The following ABL2 variants were observed in gnomAD, a reference collection of about 807,000 sequenced individuals.
ABL2 encodes tyrosine-protein kinase ABL2.
ABL2 carries 49 observed loss-of-function variants against 107.7 expected under a neutral mutation model. The ratio of observed to expected loss-of-function variants is 0.45; its 90% CI spans 0.36 to 0.58. The LOEUF (loss-of-function observed/expected upper bound fraction) is 0.58. Ranked by LOEUF, ABL2 falls within the 20% of genes least tolerant of loss-of-function variation. The pLI, the probability that ABL2 is intolerant of heterozygous loss-of-function variation, is 0.00. For synonymous variants in ABL2, 549 were observed against 548.6 expected (o/e 1.00, Z -0.01); for missense variants, 1,245 against 1,457.0 (o/e 0.85, Z 2.37).
chr1:179,115,825 ATTTG>A (rs1463777502), intron 8 of ABL2, among the ~76,000 whole-genome samples: 2 of 152,212 alleles, frequency 1.3e-5, no homozygotes, highest in African/African-American at 2.4e-5. Context: ...GCAGAAAAAA[ATTTG>A]TTTGATTTTG....
At chr1:179,227,263 A>C (rs957705038) in intron 1 of ABL2, among the ~76,000 whole-genome samples, 1 of 152,204 alleles carries the variant, frequency 6.6e-6, no homozygotes, top group Admixed American at 6.5e-5. Context: ...AAAGATGGTG[A>C]CTAAAATCAC....
intron 1 of ABL2, among the ~76,000 whole-genome samples, chr1:179,151,642 GC>G (rs1237390151): frequency 6.6e-6 from 1 of 151,954 alleles, no homozygotes; most frequent in East Asian, 1.9e-4. Flanking sequence ...AGCTGTAACA[GC>G]ATTTTTCTCT....
chr1:179,103,681 G>GCTGA lies in ABL2; in HGVS notation c.*4036_*4037insTCAG, dbSNP rs1653286239. The stretch of plus-strand genomic sequence containing the variant: ...CATTCAAGCCCCTTAAGGTCAAAGT[G>GCTGA]TCAGGAGCATGTGCTTTAGAAAGTG... On this transcript the variant is annotated 3_prime_UTR_variant, in exon 12 of 12. Transcript: ENST00000502732. 4.4e-6 allele frequency: 1 copy of GCTGA among 225,950 alleles called. No individual in the cohort carries two copies. The highest frequency in any genetic ancestry group is 5.7e-5 in the Admixed American group (1 of 17,526). 14.0% of individuals were successfully genotyped at this position (225,950 alleles called of 1,614,324 possible). A position where few individuals can be genotyped will look rare whatever the true frequency, so the allele number is the denominator to read the frequency against.
chr1:179,104,980 A>T lies in ABL2; in HGVS notation c.*2738T>A, dbSNP rs1470014200. 1 of 227,900 alleles carries T rather than the reference A, an allele frequency of 4.4e-6. No homozygotes were observed. The highest frequency in any genetic ancestry group is 5.7e-5 in the Admixed American group (1 of 17,598). 14.1% of individuals were successfully genotyped at this position (227,900 alleles called of 1,614,324 possible). On this transcript the variant is annotated 3_prime_UTR_variant, in exon 12 of 12. Transcript: ENST00000502732. ...TTCAAGTAGAAAAAGGAAAAACCTA[A>T]ATTATGCTTGTATAGTAAGTTGACA... is the stretch of plus-strand genomic sequence containing the variant.
At position 179,105,824 on chromosome 1, in the gene ABL2, T is replaced by C. The variant is rs1053572393; in HGVS notation, c.*1894A>G. On this transcript the variant is annotated 3_prime_UTR_variant, in exon 12 of 12. Transcript: ENST00000502732. ...CCTTAGTATTCTAGCCCAATTCATA[T>C]AATCTCAACAATTCTTAATTTCATT... The C allele has an allele frequency of 2.7e-5, 6 of 224,874 alleles. No homozygotes were observed. Among genetic ancestry groups the C allele is most frequent in the Admixed American group, 2.3e-4 (4 of 17,492 alleles). 13.9% of individuals were successfully genotyped at this position (224,874 alleles called of 1,614,324 possible). A position where few individuals can be genotyped will look rare whatever the true frequency, so the allele number is the denominator to read the frequency against.
chr1:179,216,716 T>C (rs1282656914), intron 1 of ABL2, among the ~76,000 whole-genome samples: 1 of 151,352 alleles, frequency 6.6e-6, no homozygotes, highest in Non-Finnish European at 1.5e-5. Flanking sequence ...GTTACACAGA[T>C]TCTTTTTTTT....
intron 1 of ABL2, among the ~76,000 whole-genome samples, chr1:179,224,134 CAAAAAAAAAAAAA>C (rs1181284107): frequency 2.6e-4 from 9 of 34,512 alleles, no homozygotes; most frequent in African/African-American, 1.2e-3. Context: ...CTACTCACTA[CAAAAAAAAAAAAA>C]AAAAAAAAAA....
At chr1:179,212,657 C>T (rs183677363) in intron 1 of ABL2, among the ~76,000 whole-genome samples, 126 of 150,090 alleles carry the variant, frequency 8.4e-4, no homozygotes, top group African/African-American at 2.7e-3. Context: ...TGCTTGAACT[C>T]GGGAGGCGGA....
intron 3 of ABL2, among the ~76,000 whole-genome samples, chr1:179,127,691 C>T (rs2102650078): frequency 6.6e-6 from 1 of 152,306 alleles, no homozygotes. Context: ...GCATTCACAT[C>T]TACTTCTTCA....
In ABL2 at chr1:179,108,719, C is replaced by A. The variant is rs1472177761; in HGVS notation, c.2548G>T (p.Ala850Ser). The A allele has an allele frequency of 6.2e-7, 1 of 1,614,178 alleles. No individual in the cohort carries two copies. Among genetic ancestry groups the A allele is most frequent in the Non-Finnish European group, 8.5e-7 (1 of 1,180,016 alleles). Residue 850 changes from alanine (A) to serine (S), a missense_variant, in exon 12 of 12, where the codon GCC (alanine) becomes TCC (serine). Physicochemically the swap from Ala to Ser is moderately conservative, Grantham distance 99. Around this residue, in one of 3 missense-constraint regions of ABL2, gnomAD observed 761 missense variants for 766.4 expected, o/e 0.99. Transcript: ENST00000502732. The part of the protein sequence containing the change: ...SAAPSRERPK[A>S]KLLPRGATAL... ...GTGGCTCCTCTGGGCAATAACTTGGCTTTTGGTCTCTCCCTGCTTGGAGCA... is the reference window on the plus strand; with the variant it reads ...GTGGCTCCTCTGGGCAATAACTTGGATTTTGGTCTCTCCCTGCTTGGAGCA...
intron 1 of ABL2, among the ~76,000 whole-genome samples, chr1:179,158,428 T>C (rs1215480102): frequency 3.3e-5 from 5 of 152,198 alleles, no homozygotes. Context: ...TGTGGTAAGA[T>C]GTAGAGATAC....
intron 8 of ABL2, 140 bp from the exon 9 acceptor site, chr1:179,115,170 A>C (rs1237709572): frequency 1.5e-6 from 1 of 650,952 alleles, no homozygotes; most frequent in African/African-American, 1.9e-5. Flanking sequence ...CTCTTTTATC[A>C]ATTCTTACAG....
At chr1:179,143,648 G>C (rs1245303927) in intron 1 of ABL2, among the ~76,000 whole-genome samples, 1 of 152,220 alleles carries the variant, frequency 6.6e-6, no homozygotes, top group Non-Finnish European at 1.5e-5. Flanking sequence ...TGGCAATATA[G>C]TGTTGAAAAC....
In ABL2 at chr1:179,107,544, GCTT is replaced by G. The variant is rs1345477231; in HGVS notation, c.*171_*173del. 35 of 1,318,778 alleles carry G rather than the reference GCTT, an allele frequency of 2.7e-5. No homozygotes were observed. Among genetic ancestry groups the G allele is most frequent in the Middle Eastern group, 2.7e-4 (1 of 3,670 alleles). The allele number at this position is 1,318,778 out of a possible 1,614,324, so 81.7% of individuals were successfully genotyped here. A position where few individuals can be genotyped will look rare whatever the true frequency, so the allele number is the denominator to read the frequency against. On this transcript the variant is annotated 3_prime_UTR_variant, in exon 12 of 12. Coordinates refer to ENST00000502732, the MANE Select transcript of ABL2 (RefSeq NM_007314.4). ...TACCTCTCCTATACTTATGTGGTTT[GCTT>G]CTTATTTTTGAGATGAAACTGTAAA...
In ABL2 at chr1:179,126,338, G is replaced by C; in HGVS notation, c.687+39C>G. On this transcript the variant is annotated intron_variant, in intron 4 of 11. Transcript: ENST00000502732. This position sits in a 1 kb window ranked among gnomAD's most constrained non-coding sequence, Gnocchi z 4.4. The stretch of plus-strand genomic sequence containing the variant: ...ACGTTGAATATTATTTCACAGAGTA[G>C]CCAGTCCATGCTTAAAGGTGGTGAC... 6.3e-7 allele frequency: 1 copy of C among 1,579,730 alleles called. No homozygotes were observed. Among genetic ancestry groups the C allele is most frequent in the Non-Finnish European group, 8.7e-7 (1 of 1,152,238 alleles).
At chr1:179,110,162 A>G (rs1653904073) in intron 11 of ABL2, 120 bp downstream of exon 11, 6 of 1,243,454 alleles carry the variant, frequency 4.8e-6, no homozygotes, top group African/African-American at 1.5e-5. Context: ...GGTGGGTAAA[A>G]GAGACGCCAT....
chr1:179,229,464 G>C lies in ABL2; in HGVS notation c.-67C>G. 1 of 1,405,938 alleles carries C rather than the reference G, an allele frequency of 7.1e-7. No homozygotes were observed. Among genetic ancestry groups the C allele is most frequent in the Non-Finnish European group, 9.2e-7 (1 of 1,085,074 alleles). The allele number at this position is 1,405,938 out of a possible 1,614,324, so 87.1% of individuals were successfully genotyped here. On this transcript the variant is annotated 5_prime_UTR_variant, in exon 1 of 12. Coordinates refer to ENST00000502732, the MANE Select transcript of ABL2 (RefSeq NM_007314.4). ...CACATTCCTCCTCGGCTCCGGCCTC[G>C]GGCTCCTGGCGCTGCTCCGGTCTCT...
chr1:179,100,629 C>A lies in ABL2; in HGVS notation c.*7089G>T, dbSNP rs1271116020. ...TGCCTCCAGCTTTTCTAAAAGGTTA[C>A]TTAGCATGCTCGGAGACCTCAGCTT... On this transcript the variant is annotated 3_prime_UTR_variant, in exon 12 of 12. Transcript: ENST00000502732. The A allele has an allele frequency of 4.4e-6, 1 of 229,398 alleles. No individual in the cohort carries two copies. Among genetic ancestry groups the A allele is most frequent in the African/African-American group, 2.2e-5 (1 of 45,140 alleles). The allele number at this position is 229,398 out of a possible 1,614,324, so 14.2% of individuals were successfully genotyped here.
Position 179,126,314 on chromosome 1 carries a change from C to T in ABL2, c.687+63G>A, listed in dbSNP as rs189634577. The T allele has an allele frequency of 6.7e-6, 10 of 1,503,678 alleles. No individual in the cohort carries two copies. Among genetic ancestry groups the T allele is most frequent in the Non-Finnish European group, 7.3e-6 (8 of 1,098,340 alleles). 93.1% of individuals were successfully genotyped at this position (1,503,678 alleles called of 1,614,324 possible). ...AAAATCTATTATTTCACTTCAATCA[C>T]GTTGAATATTATTTCACAGAGTAGC... On this transcript the variant is annotated intron_variant, in intron 4 of 11. Transcript: ENST00000502732. The surrounding 1 kb of genome is among the most constrained non-coding windows in gnomAD (Gnocchi z 4.4).
Sources: gnomAD v4.1 joint callset for allele counts (sites outside exome capture counted in the v4.1 genomes callset) on GRCh38, gnomAD v4.1.1 for gene constraint, gnomAD v4.1.1 regional missense constraint, Gnocchi (gnomAD v3.1) non-coding constraint, MANE v1.5 for transcripts, NCBI Gene and HGNC (gene_info 2026-07-23, HGNC 2026-07-21) for gene names.